Variants in RIOK3 observed in about 807,000 individuals in gnomAD.
The protein encoded by RIOK3 is serine/threonine-protein kinase RIO3.
RIOK3 carries 40 observed loss-of-function variants against 63.5 expected under a neutral mutation model. The observed-to-expected ratio is 0.63, with a 90% CI of 0.49 to 0.82. RIOK3 has a LOEUF of 0.82. Ranked by LOEUF, RIOK3 falls within the 40% of genes least tolerant of loss-of-function variation. The pLI is 0.00. For synonymous variants in RIOK3, 193 were observed against 205.0 expected (o/e 0.94, Z 0.50); for missense variants, 557 against 637.0 (o/e 0.87, Z 1.35).
chr18:23,480,421 A>T lies in RIOK3; in HGVS notation c.1453-751A>T, dbSNP rs555172590. 7.2e-5 allele frequency among the ~76,000 whole-genome samples: 11 copies of T among 152,294 alleles called. No individual in the cohort carries two copies. In the South Asian group the frequency reaches 2.3e-3, roughly 32 times the overall value. ...GAGTTTTCTTTTTCCTGTTTCTGGAATGTTTTATAGAATACATTTCAAAAC... is the reference window on the plus strand; with the variant it reads ...GAGTTTTCTTTTTCCTGTTTCTGGATTGTTTTATAGAATACATTTCAAAAC... On this transcript the variant is annotated intron_variant, in intron 12 of 12. Transcript: ENST00000339486.
At chr18:23,472,696 C>G (rs546556846) in intron 7 of RIOK3, among the ~76,000 whole-genome samples, 1 of 152,294 alleles carries the variant, frequency 6.6e-6, no homozygotes, top group African/African-American at 2.4e-5. Context: ...CCTCGCGATT[C>G]CCCACCACCT....
intron 5 of RIOK3, 109 bp from the exon 6 acceptor site, chr18:23,466,024 T>C (rs2057404442): frequency 1.4e-6 from 1 of 720,346 alleles, no homozygotes. Context: ...GGTTTTCTAG[T>C]GTGATCATCT....
chr18:23,459,798 G>A (rs2145671699), intron 1 of RIOK3, among the ~76,000 whole-genome samples: 1 of 152,214 alleles, frequency 6.6e-6, no homozygotes, highest in African/African-American at 2.4e-5. Context: ...AGCCTTCTGA[G>A]TAGCTGGAAC....
intron 5 of RIOK3, among the ~76,000 whole-genome samples, chr18:23,465,094 G>A (rs150198559): frequency 4.3e-4 from 65 of 152,208 alleles, no homozygotes; most frequent in African/African-American, 1.5e-3. Context: ...ATTCTAGGCC[G>A]GGCATGGAGG....
Position 23,479,543 on chromosome 18 carries a change from TTTTTC to T in RIOK3, c.1452+127_1452+131del, listed in dbSNP as rs2057517616. 1.3e-5 allele frequency: 8 copies of T among 603,526 alleles called. No homozygotes were observed. In the East Asian group the frequency reaches 1.4e-4, roughly 11 times the overall value. The allele number at this position is 603,526 out of a possible 1,614,324, so 37.4% of individuals were successfully genotyped here. The stretch of plus-strand genomic sequence containing the variant: ...CCCCCAAAACAAAATTAATTTGAGA[TTTTTC>T]TTTTCTTAAGATGTTTTTGGTTTTT... On this transcript the variant is annotated intron_variant, in intron 12 of 12. Transcript: ENST00000339486.
rs559859933 is a variant in RIOK3, at chr18:23,454,310, A to G, written c.63+808A>G. Among the ~76,000 whole-genome samples, 7 of 152,304 alleles carry G rather than the reference A, an allele frequency of 4.6e-5. No homozygotes were observed. In the East Asian group the frequency reaches 9.6e-4, roughly 21 times the overall value. ...TGTTCTTTACATGCTAACACAGAAT[A>G]TTTGTTCCCATTTAAAAGGTCTTAT... On this transcript the variant is annotated intron_variant, in intron 1 of 12. Coordinates refer to ENST00000339486, the MANE Select transcript of RIOK3 (RefSeq NM_003831.5).
Position 23,473,461 on chromosome 18 carries a change from T to C in RIOK3, c.848T>C (p.Ile283Thr), listed in dbSNP as rs375000019. Reference protein sequence around the residue: ...MEDEKEDSKVIPTECAIKVFK... With the variant: ...MEDEKEDSKVTPTECAIKVFK... ...GATGAAAAGGAAGATAGTAAAGTTA[T>C]ACCTACAGAATGTGCCATCAAGGTA... The change falls in exon 8 of 13, where the codon ATA becomes ACA. Residue 283 changes from isoleucine (I) to threonine (T), a missense_variant. By Grantham distance (89) the Ile-to-Thr change is moderately conservative. Around this residue, in one of 3 missense-constraint regions of RIOK3, gnomAD observed 309 missense variants for 338.7 expected, o/e 0.91. Coordinates refer to ENST00000339486, the MANE Select transcript of RIOK3 (RefSeq NM_003831.5). 1 of 1,611,934 alleles carries C rather than the reference T, an allele frequency of 6.2e-7. No individual in the cohort carries two copies. Among genetic ancestry groups the C allele is most frequent in the Admixed American group, 1.7e-5 (1 of 59,924 alleles).
intron 1 of RIOK3, among the ~76,000 whole-genome samples, chr18:23,455,372 G>A (rs1296315978): frequency 4.1e-5 from 6 of 146,102 alleles, no homozygotes; most frequent in Admixed American, 2.1e-4. Flanking sequence ...CATGCCCAAC[G>A]TCTTTCTTTT....
chr18:23,463,967 T>A lies in RIOK3; in HGVS notation c.180T>A (p.Ala60=). Residue 60 remains alanine, a splice_region_variant and synonymous_variant, in exon 3 of 13, where the codon GCT becomes GCA. Coordinates refer to ENST00000339486, the MANE Select transcript of RIOK3 (RefSeq NM_003831.5). ...GTTTATATTGCCTTATTTTGAATAG[T>A]GTTGCTGAAGGACCATTTATTACTG... The part of the protein sequence containing the change: ...EEEAAVFPEV[A]VAEGPFITGE... The A allele has an allele frequency of 6.2e-7, 1 of 1,600,758 alleles. No homozygotes were observed. The highest frequency in any genetic ancestry group is 1.1e-5 in the South Asian group (1 of 88,364).
At chr18:23,477,319 G>A in intron 11 of RIOK3, 51 bp downstream of exon 11, 9 of 1,386,224 alleles carry the variant, frequency 6.5e-6, no homozygotes, top group Non-Finnish European at 9.3e-6. Flanking sequence ...ACAGCTGCAG[G>A]TATTTTTCTC....
chr18:23,453,335 C>A lies in RIOK3; in HGVS notation c.-105C>A. On this transcript the variant is annotated 5_prime_UTR_variant, in exon 1 of 13. Transcript: ENST00000339486. ...TCGCCGCCATCTGTCACCTCCACTC[C>A]GGCATCAGCAGCCAGTCGCCCGTGT... is the stretch of plus-strand genomic sequence containing the variant. The A allele has an allele frequency of 1.1e-6, 1 of 936,570 alleles. No homozygotes were observed. Among genetic ancestry groups the A allele is most frequent in the Non-Finnish European group, 1.7e-6 (1 of 577,074 alleles). The allele number at this position is 936,570 out of a possible 1,614,324, so 58.0% of individuals were successfully genotyped here. A position where few individuals can be genotyped will look rare whatever the true frequency, so the allele number is the denominator to read the frequency against.
intron 1 of RIOK3, among the ~76,000 whole-genome samples, chr18:23,453,917 A>G (rs1480143263): frequency 6.6e-6 from 1 of 152,164 alleles, no homozygotes; most frequent in African/African-American, 2.4e-5. Flanking sequence ...TTAATTTGAT[A>G]AGTGTGGTTA....
intron 7 of RIOK3, among the ~76,000 whole-genome samples, chr18:23,468,896 G>A (rs1353444016): frequency 5.9e-5 from 9 of 152,194 alleles, no homozygotes; most frequent in Admixed American, 5.9e-4. Flanking sequence ...CAGTCTAGGT[G>A]TTGGCCAGGC....
intron 12 of RIOK3, among the ~76,000 whole-genome samples, chr18:23,480,014 G>A (rs999058037): frequency 2.6e-5 from 4 of 152,120 alleles, no homozygotes; most frequent in Non-Finnish European, 5.9e-5. Context: ...TGAGGAAGTT[G>A]AACACTCTGA....
chr18:23,476,299 C>A (rs930267352), intron 9 of RIOK3, among the ~76,000 whole-genome samples: 2 of 152,172 alleles, frequency 1.3e-5, no homozygotes, highest in Non-Finnish European at 2.9e-5. Context: ...CTGCCATTAT[C>A]CCTCTGTGTT....
chr18:23,457,461 G>A (rs991343869), intron 1 of RIOK3, among the ~76,000 whole-genome samples: 1 of 152,182 alleles, frequency 6.6e-6, no homozygotes, highest in Admixed American at 6.5e-5. Flanking sequence ...AACAGAAAAA[G>A]GATGTTAGAG....
At chr18:23,477,894 A>G (rs1262295794) in intron 11 of RIOK3, among the ~76,000 whole-genome samples, 1 of 151,868 alleles carries the variant, frequency 6.6e-6, no homozygotes, top group Non-Finnish European at 1.5e-5. Flanking sequence ...ACATGGTGAA[A>G]CGCTGTCTGT....
At chr18:23,468,443 C>T (rs186746478) in intron 7 of RIOK3, among the ~76,000 whole-genome samples, 6 of 151,918 alleles carry the variant, frequency 3.9e-5, no homozygotes, top group Admixed American at 1.3e-4. Flanking sequence ...GCTGGGATTA[C>T]AGGCACGCAC....
intron 7 of RIOK3, among the ~76,000 whole-genome samples, chr18:23,472,066 C>T (rs1303940954): frequency 6.6e-6 from 1 of 152,022 alleles, no homozygotes; most frequent in Non-Finnish European, 1.5e-5. Flanking sequence ...AACCCCGTCT[C>T]TACTAAAAAT....
Sources: allele counts gnomAD v4.1 joint callset (sites outside exome capture counted in the v4.1 genomes callset), GRCh38; gene constraint gnomAD v4.1.1; regional missense constraint gnomAD v4.1.1; transcripts MANE v1.5; gene names NCBI Gene and HGNC (gene_info 2026-07-23, HGNC 2026-07-21).